OR56A3: variants seen among roughly 807,000 people sequenced by gnomAD.
OR56A3 encodes olfactory receptor 56A3.
In OR56A3, 23 loss-of-function variants were observed where a neutral mutation model predicts 17.5. The ratio of observed to expected loss-of-function variants is 1.32; its 90% confidence interval spans 0.95 to 1.87. The LOEUF (loss-of-function observed/expected upper bound fraction) is 1.87. Ranked by LOEUF, OR56A3 falls within the 40% of genes most tolerant of loss-of-function variation. The pLI is 0.00. For synonymous variants in OR56A3, 175 were observed against 150.6 expected (o/e 1.16, Z -1.19); for missense variants, 366 against 380.1 (o/e 0.96, Z 0.31).
chr11:5,945,879 G>GA (rs1214347569), intron 2 of OR56A3, among the ~76,000 whole-genome samples: 1 of 152,204 alleles, frequency 6.6e-6, no homozygotes, highest in Non-Finnish European at 1.5e-5. Flanking sequence ...CAAAGTGTGA[G>GA]AAACAGGGCA....
chr11:5,947,929 G>T lies in OR56A3; in HGVS notation c.583G>T (p.Asp195Tyr). The stretch of plus-strand genomic sequence containing the variant: ...GTCTGTTTCCAGACTCTCCTGCGAT[G>T]ATGTCACCATCAATCACCTTTACCA... ...NMSVSRLSCDDVTINHLYQFA... is the reference protein window; with the variant it reads ...NMSVSRLSCDYVTINHLYQFA... The change falls in exon 3 of 3, where the codon GAT becomes TAT. Residue 195 changes from aspartate (D) to tyrosine (Y), a missense_variant. Coordinates refer to ENST00000641160, the MANE Select transcript of OR56A3 (RefSeq NM_001003443.3). The T allele has an allele frequency of 6.2e-7, 1 of 1,614,172 alleles. No homozygotes were observed. The highest frequency in any genetic ancestry group is 8.5e-7 in the Non-Finnish European group (1 of 1,180,020).
chr11:5,971,674 T>C, the OR56A3 span, among the ~76,000 whole-genome samples: 1 of 152,222 alleles, frequency 6.6e-6, no homozygotes, highest in Non-Finnish European at 1.5e-5. Flanking sequence ...AAACTTTTGA[T>C]ATATTGTTAA....
At chr11:5,955,368 T>C (rs1449114579), downstream of OR56A3, among the ~76,000 whole-genome samples, 1 of 152,148 alleles carries the variant, frequency 6.6e-6, no homozygotes, top group Non-Finnish European at 1.5e-5. Flanking sequence ...TAAAATTTCT[T>C]ATTATTAGCA....
chr11:5,973,634 TAGGTCCAACCAC>T, the OR56A3 span, among the ~76,000 whole-genome samples: 1 of 152,164 alleles, frequency 6.6e-6, no homozygotes, highest in African/African-American at 2.4e-5. Context: ...CTTCACCTCC[TAGGTCCAACCAC>T]AGAGAAGACG....
the OR56A3 span, chr11:6,002,309 C>T: frequency 1.9e-6 from 3 of 1,614,162 alleles, no homozygotes; most frequent in Non-Finnish European, 1.7e-6. Flanking sequence ...TGATCCTAAG[C>T]ACAACTTTCA....
the OR56A3 span, among the ~76,000 whole-genome samples, chr11:5,990,450 A>G: frequency 6.6e-6 from 1 of 152,102 alleles, no homozygotes; most frequent in Admixed American, 6.6e-5. Context: ...GCCATAAGAG[A>G]AGATGGTGAA....
At chr11:5,957,427 C>T in the OR56A3 span, among the ~76,000 whole-genome samples, 1 of 152,142 alleles carries the variant, frequency 6.6e-6, no homozygotes, top group Non-Finnish European at 1.5e-5. Flanking sequence ...TTTTTCTTGA[C>T]TCAGTATAAA....
At chr11:6,010,422 G>C in the OR56A3 span, among the ~76,000 whole-genome samples, 1 of 152,142 alleles carries the variant, frequency 6.6e-6, no homozygotes, top group South Asian at 2.1e-4. Flanking sequence ...GAGGTGATTA[G>C]GGCATGAGAG....
the OR56A3 span, among the ~76,000 whole-genome samples, chr11:6,011,604 G>C: frequency 6.6e-6 from 1 of 152,164 alleles, no homozygotes; most frequent in Admixed American, 6.5e-5. Flanking sequence ...AATGTTATGG[G>C]ATCTTTGGGG....
the OR56A3 span, among the ~76,000 whole-genome samples, chr11:5,984,501 G>T: frequency 6.6e-6 from 1 of 152,160 alleles, no homozygotes; most frequent in East Asian, 1.9e-4. Context: ...CAAGAAAGCT[G>T]CCTGAGATGA....
the OR56A3 span, among the ~76,000 whole-genome samples, chr11:5,960,270 G>A: frequency 6.6e-6 from 1 of 150,788 alleles, no homozygotes; most frequent in African/African-American, 2.4e-5. Flanking sequence ...CCTTTGCACG[G>A]TCCTCGTCTC....
At chr11:5,986,171 T>G in the OR56A3 span, 21 of 1,613,874 alleles carry the variant, frequency 1.3e-5, no homozygotes, top group South Asian at 2.3e-4. Flanking sequence ...CTAAACGCCT[T>G]AAGTCGGGCC....
the OR56A3 span, among the ~76,000 whole-genome samples, chr11:6,014,384 A>G: frequency 6.6e-6 from 1 of 152,198 alleles, no homozygotes; most frequent in East Asian, 1.9e-4. Context: ...TGCTGCTCTC[A>G]TAATAGTCAA....
At chr11:5,995,903 C>T in the OR56A3 span, among the ~76,000 whole-genome samples, 3 of 152,202 alleles carry the variant, frequency 2.0e-5, no homozygotes, top group Non-Finnish European at 4.4e-5. Context: ...CTCCCACCTA[C>T]CAGACTCTGG....
chr11:5,979,377 T>TA, the OR56A3 span, among the ~76,000 whole-genome samples: 30,293 of 151,866 alleles, frequency 0.2, 3,748 homozygotes, highest in South Asian at 0.28. Flanking sequence ...AGGTTTTTTT[T>TA]ATGACTGAGT....
chr11:6,021,484 T>C, the OR56A3 span: 1 of 152,150 alleles, frequency 6.6e-6, no homozygotes, highest in East Asian at 1.9e-4. Flanking sequence ...ACGTTGTATG[T>C]AACTTCATAA....
At chr11:5,994,732 A>G in the OR56A3 span, 1 of 815,848 alleles carries the variant, frequency 1.2e-6, no homozygotes, top group Non-Finnish European at 2.1e-6. Flanking sequence ...CATTGTCCAC[A>G]GTATTTGCGA....
chr11:5,963,415 T>G, the OR56A3 span, among the ~76,000 whole-genome samples: 1 of 152,152 alleles, frequency 6.6e-6, no homozygotes, highest in Non-Finnish European at 1.5e-5. Flanking sequence ...TTATCTCTCC[T>G]TCATTTTTGA....
chr11:5,985,978 C>CG, the OR56A3 span: 3 of 1,611,300 alleles, frequency 1.9e-6, no homozygotes, highest in Non-Finnish European at 2.5e-6. Flanking sequence ...CACTCGCTGG[C>CG]GGATCTGCTG....
Sources: gnomAD v4.1 joint callset for allele counts (sites outside exome capture counted in the v4.1 genomes callset) on GRCh38, gnomAD v4.1.1 for gene constraint, MANE v1.5 for transcripts, NCBI Gene and HGNC (gene_info 2026-07-23, HGNC 2026-07-21) for gene names.